Variants in TMEM178B observed in about 807,000 individuals in gnomAD.
TMEM178B encodes the protein transmembrane protein 178B.
A neutral mutation model predicts 31.0 loss-of-function variants in TMEM178B; 5 were observed. The observed-to-expected ratio is 0.16, with a 90% CI of 0.08 to 0.34. The LOEUF is 0.34. Ranked by LOEUF, TMEM178B falls within the 10% of genes least tolerant of loss-of-function variation. The pLI is 1.00. For synonymous variants in TMEM178B, 164 were observed against 164.0 expected (o/e 1.00, Z 0.00); for missense variants, 275 against 400.3 (o/e 0.69, Z 2.67).
At chr7:141,361,914 A>G (rs547846025) in intron 2 of TMEM178B, among the ~76,000 whole-genome samples, 2 of 152,316 alleles carry the variant, frequency 1.3e-5, no homozygotes, top group Non-Finnish European at 2.9e-5. Flanking sequence ...TGCAAACCCT[A>G]CTATAACTGT....
chr7:141,157,141 C>G (rs1028970270), intron 1 of TMEM178B, among the ~76,000 whole-genome samples: 3 of 152,152 alleles, frequency 2.0e-5, no homozygotes, highest in Non-Finnish European at 4.4e-5. Context: ...CCCTTCTGCC[C>G]TCTTCCCACT....
chr7:141,409,337 A>G lies in TMEM178B; in HGVS notation c.497-28271A>G, dbSNP rs139255463. Among the ~76,000 whole-genome samples the G allele has an allele frequency of 2.5e-4, 38 of 152,300 alleles. No individual in the cohort carries two copies. The East Asian group carries it at 7.4e-3, about 29-fold the overall frequency. On this transcript the variant is annotated intron_variant, in intron 2 of 3. Coordinates refer to ENST00000565468, the MANE Select transcript of TMEM178B (RefSeq NM_001195278.2). ...CTAACTGCATTTTAGACCTTTAAAA[A>G]AAAGGTCACCAGAGAGCTATTGAGT...
At chr7:141,076,119 T>C (rs927412792) in intron 1 of TMEM178B, among the ~76,000 whole-genome samples, 3 of 152,188 alleles carry the variant, frequency 2.0e-5, no homozygotes, top group South Asian at 4.1e-4. Flanking sequence ...TGGGTTCTTA[T>C]TGGAACAAGG....
chr7:141,280,956 G>A (rs1217266769), intron 2 of TMEM178B, among the ~76,000 whole-genome samples: 2 of 152,214 alleles, frequency 1.3e-5, no homozygotes. Flanking sequence ...AATGTACAAA[G>A]TGAACTATTT....
Position 141,176,004 on chromosome 7 carries a change from A to G in TMEM178B, c.383-36587A>G, listed in dbSNP as rs1796427597. Among the ~76,000 whole-genome samples the G allele has an allele frequency of 2.0e-5, 3 of 152,118 alleles. No individual in the cohort carries two copies. In the South Asian group the frequency reaches 6.2e-4, roughly 32 times the overall value. On this transcript the variant is annotated intron_variant, in intron 1 of 3. Transcript: ENST00000565468. The stretch of plus-strand genomic sequence containing the variant: ...AACTTCTAATACTATGTTGAATAGG[A>G]GTGGTGAGAGAGGGCATCCTTGTTT...
At chr7:141,492,815 G>C in the TMEM178B span, among the ~76,000 whole-genome samples, 4 of 152,116 alleles carry the variant, frequency 2.6e-5, no homozygotes, top group Non-Finnish European at 4.4e-5. Flanking sequence ...CCCAGTGAGA[G>C]GTGGCCCATT....
intron 2 of TMEM178B, among the ~76,000 whole-genome samples, chr7:141,390,657 G>A (rs774782592): frequency 2.6e-5 from 4 of 152,216 alleles, no homozygotes; most frequent in African/African-American, 9.6e-5. Flanking sequence ...GACACGACAT[G>A]TGATTAGACA....
intron 1 of TMEM178B, among the ~76,000 whole-genome samples, chr7:141,131,375 G>A (rs905321330): frequency 3.3e-5 from 5 of 152,086 alleles, no homozygotes; most frequent in African/African-American, 1.2e-4. Flanking sequence ...CAGATCTGAA[G>A]TGTTCTGTTT....
chr7:141,266,647 A>G (rs1013590154), intron 2 of TMEM178B, among the ~76,000 whole-genome samples: 3 of 152,168 alleles, frequency 2.0e-5, no homozygotes, highest in Non-Finnish European at 4.4e-5. Flanking sequence ...TCAGCCACAC[A>G]TGTTGCAGCT....
chr7:141,463,419 A>G (rs1802096447), intron 3 of TMEM178B, among the ~76,000 whole-genome samples: 1 of 152,170 alleles, frequency 6.6e-6, no homozygotes, highest in Non-Finnish European at 1.5e-5. Flanking sequence ...GCAGATGGAC[A>G]AAGCCGGTGA....
intron 1 of TMEM178B, among the ~76,000 whole-genome samples, chr7:141,099,271 A>T (rs1175481537): frequency 6.6e-6 from 1 of 152,214 alleles, no homozygotes; most frequent in Admixed American, 6.5e-5. Flanking sequence ...GGCCCTTCCC[A>T]GGAGAACATG....
intron 2 of TMEM178B, among the ~76,000 whole-genome samples, chr7:141,385,354 C>T (rs915871103): frequency 1.3e-5 from 2 of 152,194 alleles, no homozygotes; most frequent in Non-Finnish European, 2.9e-5. Flanking sequence ...ATAAGATGGT[C>T]TGCTCTAGGG....
chr7:141,258,232 G>T (rs1481687687), intron 2 of TMEM178B, among the ~76,000 whole-genome samples: 5 of 151,320 alleles, frequency 3.3e-5, no homozygotes, highest in South Asian at 2.1e-4. Flanking sequence ...TAAACCCCCA[G>T]ATATGGTTCT....
chr7:141,430,602 C>T (rs1029287787), intron 2 of TMEM178B, among the ~76,000 whole-genome samples: 5 of 152,116 alleles, frequency 3.3e-5, no homozygotes, highest in African/African-American at 4.8e-5. Context: ...CCTGTTCCTG[C>T]CAGTTGCATC....
chr7:141,288,977 A>G (rs529276150), intron 2 of TMEM178B, among the ~76,000 whole-genome samples: 12 of 152,070 alleles, frequency 7.9e-5, no homozygotes, highest in South Asian at 2.1e-4. Flanking sequence ...TTCTTTCCCA[A>G]TTAGGCTCAA....
chr7:141,090,008 TA>T (rs892884556), intron 1 of TMEM178B, among the ~76,000 whole-genome samples: 31 of 146,852 alleles, frequency 2.1e-4, no homozygotes, highest in East Asian at 1.4e-3. Flanking sequence ...TAAAGTATAA[TA>T]AAAAAAAAAG....
chr7:141,497,623 C>A, the TMEM178B span, among the ~76,000 whole-genome samples: 3 of 152,252 alleles, frequency 2.0e-5, no homozygotes, highest in East Asian at 5.8e-4. Context: ...TGCATCCCTC[C>A]GTCTGTGGTC....
At chr7:141,286,400 T>C (rs1798448544) in intron 2 of TMEM178B, among the ~76,000 whole-genome samples, 1 of 152,226 alleles carries the variant, frequency 6.6e-6, no homozygotes. Context: ...TCTAGTGTTT[T>C]TCTAGTGTAT....
chr7:141,336,936 C>CAT (rs1799409084), intron 2 of TMEM178B, among the ~76,000 whole-genome samples: 1 of 129,174 alleles, frequency 7.7e-6, no homozygotes, highest in Non-Finnish European at 1.7e-5. Flanking sequence ...ACCACCATCA[C>CAT]CACCACCATC....
Sources: gnomAD v4.1 joint callset for allele counts (sites outside exome capture counted in the v4.1 genomes callset) on GRCh38, gnomAD v4.1.1 for gene constraint, MANE v1.5 for transcripts, NCBI Gene and HGNC (gene_info 2026-07-23, HGNC 2026-07-21) for gene names.